The following HACD1 variants were observed in gnomAD, a reference collection of about 807,000 sequenced individuals.
HACD1 encodes 3-hydroxyacyl-CoA dehydratase 1, also known as very-long-chain (3R)-3-hydroxyacyl-CoA dehydratase 1.
A neutral mutation model predicts 32.0 loss-of-function variants in HACD1; 41 were observed. The observed-to-expected ratio is 1.28, with a 90% confidence interval of 1.00 to 1.66. HACD1 has a LOEUF of 1.66. Ranked by LOEUF, HACD1 falls within the 40% of genes most tolerant of loss-of-function variation. The pLI is 0.00. For missense variants in HACD1, 396 were observed against 380.1 expected (o/e 1.04, Z -0.35); for synonymous variants, 142 against 139.0 (o/e 1.02, Z -0.15).
intron 1 of HACD1, chr10:17,616,048 C>T (rs564068905): frequency 5.2e-6 from 1 of 192,450 alleles, no homozygotes; most frequent in African/African-American, 2.4e-5. Context: ...GCGGGCGGAT[C>T]ATGAGGTCAG....
chr10:17,616,311 C>G (rs1011870803), intron 1 of HACD1, among the ~76,000 whole-genome samples: 3 of 152,114 alleles, frequency 2.0e-5, no homozygotes, highest in Non-Finnish European at 4.4e-5. Flanking sequence ...AAATAGTAAA[C>G]TTTTCCTCGC....
chr10:17,601,934 C>T (rs1219211753), intron 4 of HACD1, among the ~76,000 whole-genome samples: 1 of 151,968 alleles, frequency 6.6e-6, no homozygotes, highest in Non-Finnish European at 1.5e-5. Flanking sequence ...GGTCAGGTGT[C>T]AGTCCCCAAG....
At chr10:17,609,288 A>T (rs1295107735) in intron 1 of HACD1, among the ~76,000 whole-genome samples, 1 of 151,230 alleles carries the variant, frequency 6.6e-6, no homozygotes, top group Non-Finnish European at 1.5e-5. Flanking sequence ...GTAGTAGCTG[A>T]GACTATAGGC....
In HACD1 at chr10:17,594,086, G is replaced by A. The variant is rs3817472; in HGVS notation, c.784+119C>T. 0.25 allele frequency: 233,646 copies of A among 947,910 alleles called. 30,319 individuals carry two copies. The highest frequency in any genetic ancestry group is 0.26 in the Non-Finnish European group (186,137 of 710,440). The allele number at this position is 947,910 out of a possible 1,614,324, so 58.7% of individuals were successfully genotyped here. The stretch of plus-strand genomic sequence containing the variant: ...TTATCAGTAAATATGGAGTTAAACC[G>A]AAGTTTTAATGTATTTGTAAGCAAT... On this transcript the variant is annotated intron_variant, in intron 6 of 6. Transcript: ENST00000361271.
chr10:17,609,782 A>C (rs1341122880), intron 1 of HACD1, among the ~76,000 whole-genome samples: 1 of 151,946 alleles, frequency 6.6e-6, no homozygotes, highest in Non-Finnish European at 1.5e-5. Context: ...GGAGTTTGAG[A>C]CCAGGCTGGC....
intron 4 of HACD1, among the ~76,000 whole-genome samples, chr10:17,600,642 C>T (rs1286883869): frequency 1.3e-5 from 2 of 152,020 alleles, no homozygotes; most frequent in African/African-American, 4.8e-5. Flanking sequence ...CCTTCTTCTA[C>T]TGTACTTTGT....
chr10:17,600,077 T>C (rs1554816361), intron 4 of HACD1, among the ~76,000 whole-genome samples: 3 of 152,192 alleles, frequency 2.0e-5, no homozygotes, highest in African/African-American at 7.2e-5. Flanking sequence ...TCCAACTTCA[T>C]CTACAATTAT....
chr10:17,604,069 T>C, intron 1 of HACD1, 22 bp from the exon 2 acceptor site: 1 of 1,464,558 alleles, frequency 6.8e-7, no homozygotes, highest in Non-Finnish European at 9.3e-7. Context: ...AAGTATTTCA[T>C]AAAGTTCTTT....
rs1554815403 is a variant in HACD1 at position 17,589,789 on chromosome 10, G to T, written c.*575C>A. On this transcript the variant is annotated 3_prime_UTR_variant, in exon 7 of 7. Coordinates refer to ENST00000361271, the MANE Select transcript of HACD1 (RefSeq NM_014241.4). Reference sequence around the variant, plus strand: ...TTTCCAAAGAATATTTTCCAACTGTGACATCTACTTGAATATTTGTGTGTT... The same window carrying T: ...TTTCCAAAGAATATTTTCCAACTGTTACATCTACTTGAATATTTGTGTGTT... 1 of 152,062 alleles carries T rather than the reference G, an allele frequency of 6.6e-6. No homozygotes were observed. Among genetic ancestry groups the T allele is most frequent in the Non-Finnish European group, 1.5e-5 (1 of 68,022 alleles). 9.4% of individuals were successfully genotyped at this position (152,062 alleles called of 1,614,324 possible).
intron 1 of HACD1, among the ~76,000 whole-genome samples, chr10:17,611,525 C>T (rs1314667000): frequency 1.3e-5 from 2 of 152,320 alleles, no homozygotes; most frequent in African/African-American, 4.8e-5. Context: ...TATATTAATG[C>T]CCCAGGTTAC....
intron 6 of HACD1, among the ~76,000 whole-genome samples, chr10:17,591,248 A>G (rs1289451166): frequency 6.6e-6 from 1 of 152,050 alleles, no homozygotes; most frequent in Admixed American, 6.6e-5. Flanking sequence ...CCCCCTGGCT[A>G]TCCTGTTTTC....
At chr10:17,592,647 G>A (rs1333228746) in intron 6 of HACD1, among the ~76,000 whole-genome samples, 1 of 152,088 alleles carries the variant, frequency 6.6e-6, no homozygotes, top group Non-Finnish European at 1.5e-5. Flanking sequence ...AAGCCATGAG[G>A]AGGAAGAGAA....
intron 4 of HACD1, among the ~76,000 whole-genome samples, chr10:17,600,801 G>A (rs534310303): frequency 2.0e-5 from 3 of 152,224 alleles, no homozygotes; most frequent in South Asian, 4.1e-4. Context: ...ATACTGCAAC[G>A]CATACCGAGC....
chr10:17,592,802 T>G (rs1554815684), intron 6 of HACD1, among the ~76,000 whole-genome samples: 1 of 152,204 alleles, frequency 6.6e-6, no homozygotes, highest in East Asian at 1.9e-4. Flanking sequence ...TCTCCCGAAC[T>G]GGCTGGGGTA....
chr10:17,590,469 GA>G, intron 6 of HACD1, 23 bp from the exon 7 acceptor site: 1 of 1,515,114 alleles, frequency 6.6e-7, no homozygotes, highest in Non-Finnish European at 9.0e-7. Flanking sequence ...AGAAAACAAA[GA>G]AAAACAAGCT....
chr10:17,593,164 T>C (rs937172073), intron 6 of HACD1, among the ~76,000 whole-genome samples: 1 of 152,072 alleles, frequency 6.6e-6, no homozygotes, highest in Admixed American at 6.5e-5. Flanking sequence ...CGCAAGACTC[T>C]GTCTCAAAAA....
intron 1 of HACD1, among the ~76,000 whole-genome samples, chr10:17,610,343 C>G (rs183701642): frequency 2.0e-5 from 3 of 152,278 alleles, no homozygotes; most frequent in Admixed American, 6.5e-5. Context: ...CTTACTTTCT[C>G]TTTCTGCAAG....
intron 6 of HACD1, among the ~76,000 whole-genome samples, chr10:17,592,558 G>T (rs1403893759): frequency 6.6e-6 from 1 of 152,048 alleles, no homozygotes; most frequent in African/African-American, 2.4e-5. Context: ...AGCTGCTACT[G>T]GTACAGGCCA....
intron 1 of HACD1, chr10:17,615,538 A>C (rs1833063626): frequency 6.5e-6 from 1 of 154,572 alleles, no homozygotes; most frequent in Non-Finnish European, 1.4e-5. Flanking sequence ...ACCCTGGAGA[A>C]AGTTTAAAAT....
Sources: allele counts gnomAD v4.1 joint callset (sites outside exome capture counted in the v4.1 genomes callset), GRCh38; gene constraint gnomAD v4.1.1; transcripts MANE v1.5; gene names NCBI Gene and HGNC (gene_info 2026-07-23, HGNC 2026-07-21).